Variants in ETNPPL observed in about 807,000 individuals in gnomAD.
ETNPPL encodes the protein ethanolamine-phosphate phospho-lyase, also known as alanine--glyoxylate aminotransferase 2-like 1.
ETNPPL carries 30 observed loss-of-function variants against 55.5 expected under a neutral mutation model. That is an observed-to-expected ratio of 0.54 (90% CI 0.40 to 0.73). ETNPPL has a LOEUF of 0.73. Ranked by LOEUF, ETNPPL falls within the 30% of genes least tolerant of loss-of-function variation. The pLI is 0.00. For synonymous variants in ETNPPL, 202 were observed against 207.2 expected, an observed-to-expected ratio of 0.98 and a Z score of 0.21; for missense variants, 528 against 607.9, an observed-to-expected ratio of 0.87 and a Z score of 1.38.
In ETNPPL at chr4:108,747,205, T is replaced by C. The variant is rs1367664587; in HGVS notation, c.1083-354A>G. ...AATATATATATATATTATATATATATATAATATATATATATATATTATATA... is the reference window on the plus strand; with the variant it reads ...AATATATATATATATTATATATATACATAATATATATATATATATTATATA... On this transcript the variant is annotated intron_variant, in intron 9 of 12. Coordinates refer to ENST00000296486, the MANE Select transcript of ETNPPL (RefSeq NM_031279.4). Among the ~76,000 whole-genome samples the C allele has an allele frequency of 1.0e-3, 13 of 12,446 alleles. 3 individuals carry two copies. The highest frequency in any genetic ancestry group is 0.01 in the African/African-American group (13 of 1,260). 8.2% of individuals were successfully genotyped at this position (12,446 alleles called of 152,430 possible).
intron 6 of ETNPPL, among the ~76,000 whole-genome samples, chr4:108,751,988 T>C (rs921191156): frequency 6.6e-6 from 1 of 152,246 alleles, no homozygotes; most frequent in Non-Finnish European, 1.5e-5. Flanking sequence ...GTTTGCCATT[T>C]GTTTAAACAG....
In ETNPPL at chr4:108,742,373, TA is replaced by T; in HGVS notation, c.*110del. On this transcript the variant is annotated 3_prime_UTR_variant, in exon 13 of 13. Coordinates refer to ENST00000296486, the MANE Select transcript of ETNPPL (RefSeq NM_031279.4). ...TCATTTACCTTTTCATTTATGAATC[TA>T]AACTGACAATTCCACCTTTAGAGGT... 1 of 1,118,676 alleles carries T rather than the reference TA, an allele frequency of 8.9e-7. No individual in the cohort carries two copies. Among genetic ancestry groups the T allele is most frequent in the Non-Finnish European group, 1.3e-6 (1 of 764,940 alleles). 69.3% of individuals were successfully genotyped at this position (1,118,676 alleles called of 1,614,324 possible).
chr4:108,747,220 TA>T (rs1728633921), intron 9 of ETNPPL, among the ~76,000 whole-genome samples: 2 of 24,576 alleles, frequency 8.1e-5, no homozygotes, highest in Non-Finnish European at 1.1e-4. Context: ...TATATATATA[TA>T]TATTATATAT....
chr4:108,742,631 A>G lies in ETNPPL; in HGVS notation c.1372-19T>C. ...TCAGCATCTGCAAGACAGGCACACA[A>G]AGCTCCAGTGGGCATCCACCTCTAA... On this transcript the variant is annotated intron_variant, in intron 12 of 12. Transcript: ENST00000296486. 1 of 1,613,382 alleles carries G rather than the reference A, an allele frequency of 6.2e-7. No homozygotes were observed. Among genetic ancestry groups the G allele is most frequent in the South Asian group, 1.1e-5 (1 of 91,032 alleles).
In ETNPPL at chr4:108,759,873, G is replaced by C; in HGVS notation, c.211C>G (p.Leu71Val). 2 of 1,614,148 alleles carry C rather than the reference G, an allele frequency of 1.2e-6. No homozygotes were observed. Among genetic ancestry groups the C allele is most frequent in the Non-Finnish European group, 1.7e-6 (2 of 1,180,024 alleles). The change falls in exon 3 of 13, where the codon CTG (leucine) becomes GTG (valine). Residue 71 changes from leucine to valine, a missense_variant. Coordinates refer to ENST00000296486, the MANE Select transcript of ETNPPL (RefSeq NM_031279.4). Reference protein sequence around the residue: ...HCHPGVVKAALKQMELLNTNS... With the variant: ...HCHPGVVKAAVKQMELLNTNS... ...GTATTTAGCAGTTCCATCTGTTTCA[G>C]GGCAGCTTTGACCACTCCTGGGTGA...
rs1169629119 is a variant in ETNPPL at position 108,749,986 on chromosome 4, A to T, written c.702-523T>A. Among the ~76,000 whole-genome samples, 6 of 152,340 alleles carry T rather than the reference A, an allele frequency of 3.9e-5. No homozygotes were observed. The South Asian group carries it at 6.2e-4, about 16-fold the overall frequency. ...TTTGGCCTCCCAAAGTGCTGGGATT[A>T]TAGTGCATGAGCCACAGCACCCAGT... On this transcript the variant is annotated intron_variant, in intron 7 of 12. Transcript: ENST00000296486.
chr4:108,749,384 T>G lies in ETNPPL; in HGVS notation c.781A>C (p.Ser261Arg). The G allele has an allele frequency of 6.2e-7, 1 of 1,614,100 alleles. No individual in the cohort carries two copies. The highest frequency in any genetic ancestry group is 1.6e-4 in the Middle Eastern group (1 of 6,062). The change falls in exon 8 of 13, where the codon AGC (serine) becomes CGC (arginine). Residue 261 changes from serine (S) to arginine (R), a missense_variant. By Grantham distance (110) the Ser-to-Arg change is moderately radical. Coordinates refer to ENST00000296486, the MANE Select transcript of ETNPPL (RefSeq NM_031279.4). ...GFGRVGKHFWSFQMYGEDFVP... is the reference protein window; with the variant it reads ...GFGRVGKHFWRFQMYGEDFVP... ...AAGTCTTCACCATACATCTGGAAGC[T>G]CCAGAAATGTTTCCCAACTCTGCCA...
chr4:108,750,832 C>T (rs1252226037), intron 7 of ETNPPL, 104 bp downstream of exon 7: 3 of 854,806 alleles, frequency 3.5e-6, no homozygotes, highest in Admixed American at 3.6e-5. Flanking sequence ...TGGCTATTTA[C>T]CAGCTAATCA....
In ETNPPL at chr4:108,746,759, T is replaced by A; in HGVS notation, c.1172+3A>T. 6.2e-7 allele frequency: 1 copy of A among 1,613,278 alleles called. No individual in the cohort carries two copies. The highest frequency in any genetic ancestry group is 8.5e-7 in the Non-Finnish European group (1 of 1,179,294). ...CAAACAGGTGGGTGTGGGGGTGAAT[T>A]ACTTGTAGATGATGTGCTGAGCTTC... On this transcript the variant is annotated splice_donor_region_variant and intron_variant, in intron 10 of 12. Transcript: ENST00000296486.
intron 5 of ETNPPL, among the ~76,000 whole-genome samples, chr4:108,753,786 A>AAGAG (rs1560656420): frequency 8.3e-6 from 1 of 120,156 alleles, no homozygotes; most frequent in Non-Finnish European, 1.6e-5. Flanking sequence ...GAAAGAAAGA[A>AAGAG]AGAAAGAAAG....
At position 108,742,535 on chromosome 4, in the gene ETNPPL, A is replaced by G; in HGVS notation, c.1449T>C (p.Asn483=). ...DSKENPSRKR[N]GMCTDTHSLL... is the part of the protein sequence containing the mutation. ...GTGAATGTGTATCCGTGCACATTCC[A>G]TTTCTCTTTCTGCTGGGATTTTCTT... Residue 483 remains asparagine (N), a synonymous_variant, in exon 13 of 13, where the codon AAT becomes AAC. Transcript: ENST00000296486. 6.2e-7 allele frequency: 1 copy of G among 1,614,058 alleles called. No individual in the cohort carries two copies. Among genetic ancestry groups the G allele is most frequent in the Admixed American group, 1.7e-5 (1 of 60,006 alleles).
chr4:108,753,749 T>TAGAAAGAAAGAAAGA (rs1729026816), intron 5 of ETNPPL, among the ~76,000 whole-genome samples: 5 of 76,766 alleles, frequency 6.5e-5, no homozygotes, highest in East Asian at 4.5e-4. Context: ...CTCAAATAAA[T>TAGAAAGAAAGAAAGA]AAGAAAGAAA....
Position 108,762,709 on chromosome 4 carries a change from C to A in ETNPPL, c.56+134G>T, listed in dbSNP as rs920153998. ...CCCCTGCAGGTGGAGGCGCGCGGGG[C>A]GCGTGCACAGGCGCGGCGGGCACGG... is the stretch of plus-strand genomic sequence containing the variant. On this transcript the variant is annotated intron_variant, in intron 1 of 12. Transcript: ENST00000296486. 8 of 1,118,326 alleles carry A rather than the reference C, an allele frequency of 7.2e-6. No individual in the cohort carries two copies. In the African/African-American group the frequency reaches 1.1e-4, roughly 15 times the overall value. 69.3% of individuals were successfully genotyped at this position (1,118,326 alleles called of 1,614,324 possible).
Position 108,756,507 on chromosome 4 carries a change from TAGAG to T in ETNPPL, c.336-19_336-16del, listed in dbSNP as rs1279383778. On this transcript the variant is annotated splice_polypyrimidine_tract_variant and intron_variant, in intron 3 of 12. Coordinates refer to ENST00000296486, the MANE Select transcript of ETNPPL (RefSeq NM_031279.4). Reference sequence around the variant, plus strand: ...TGGCTTCGGATCTATTAAGATAACATAGAGAGAGAGGACACTGTGACAGTCTCTT... The same window carrying T: ...TGGCTTCGGATCTATTAAGATAACATAGAGAGGACACTGTGACAGTCTCTT... 11 of 1,601,072 alleles carry T rather than the reference TAGAG, an allele frequency of 6.9e-6. No homozygotes were observed. The highest frequency in any genetic ancestry group is 2.7e-5 in the African/African-American group (2 of 74,608).
rs780127432 is a variant in ETNPPL, at chr4:108,748,013, T to G, written c.1074A>C (p.Gly358=). ...KKQKAKHTLI[G]DIRGIGLFIG... ...CTTCATAATGAACATACCTAATATCTCCTATCAAAGTGTGTTTAGCCTTCT... is the reference window on the plus strand; with the variant it reads ...CTTCATAATGAACATACCTAATATCGCCTATCAAAGTGTGTTTAGCCTTCT... Residue 358 remains glycine, a synonymous_variant, in exon 9 of 13, where the codon GGA becomes GGC. Transcript: ENST00000296486. 4.4e-6 allele frequency: 7 copies of G among 1,608,092 alleles called. No homozygotes were observed. The East Asian group carries it at 1.3e-4, about 31-fold the overall frequency.
chr4:108,743,878 G>A (rs905552823), intron 11 of ETNPPL, 22 bp from the exon 12 acceptor site: 1 of 1,530,126 alleles, frequency 6.5e-7, no homozygotes, highest in Non-Finnish European at 9.0e-7. Flanking sequence ...AAGGTATTAT[G>A]GAGAAGACAA....
chr4:108,744,881 G>A (rs1035091504), intron 11 of ETNPPL, among the ~76,000 whole-genome samples: 2 of 151,766 alleles, frequency 1.3e-5, no homozygotes, highest in African/African-American at 2.4e-5. Flanking sequence ...CACCATGTCC[G>A]GCTAATTTTT....
At chr4:108,754,541 T>C (rs1463057379) in intron 5 of ETNPPL, 79 bp downstream of exon 5, 6 of 812,860 alleles carry the variant, frequency 7.4e-6, no homozygotes, top group Non-Finnish European at 1.2e-5. Flanking sequence ...ATGGTTCATC[T>C]AGATGAAAGC....
At chr4:108,742,840 C>T (rs1728284771) in intron 12 of ETNPPL, among the ~76,000 whole-genome samples, 1 of 152,186 alleles carries the variant, frequency 6.6e-6, no homozygotes, top group South Asian at 2.1e-4. Context: ...TGTGTGCCAA[C>T]TTTGCTAACC....
Sources: gnomAD v4.1 joint callset for allele counts (sites outside exome capture counted in the v4.1 genomes callset) on GRCh38, gnomAD v4.1.1 for gene constraint, MANE v1.5 for transcripts, NCBI Gene and HGNC (gene_info 2026-07-23, HGNC 2026-07-21) for gene names.